CABLES1: variants seen among roughly 807,000 people sequenced by gnomAD.
CABLES1 encodes CDK5 and ABL1 enzyme substrate 1.
Under a neutral mutation model 57.8 loss-of-function variants are expected in CABLES1, and 36 were observed. That is an observed-to-expected ratio of 0.62 (90% confidence interval 0.48 to 0.82). The LOEUF (loss-of-function observed/expected upper bound fraction) is 0.82, where lower values mean the gene tolerates loss of function less well. Among genes scored for constraint, CABLES1 ranks in the 40% least tolerant of loss-of-function variants. CABLES1 has a pLI of 0.00. For missense variants in CABLES1, 767 were observed against 836.6 expected (o/e 0.92, Z 1.03); for synonymous variants, 374 against 363.0 (o/e 1.03, Z -0.35).
intron 4 of CABLES1, among the ~76,000 whole-genome samples, chr18:23,217,202 C>T (rs998838835): frequency 1.3e-5 from 2 of 152,140 alleles, no homozygotes; most frequent in African/African-American, 4.8e-5. Context: ...CTGCCTCAGT[C>T]TCCCAAGTAG....
intron 3 of CABLES1, among the ~76,000 whole-genome samples, chr18:23,204,905 CAT>C (rs2047351683): frequency 6.6e-6 from 1 of 152,324 alleles, no homozygotes; most frequent in Admixed American, 6.5e-5. Flanking sequence ...CCTCCCACAA[CAT>C]GTGGGAATTA....
chr18:23,158,121 A>T (rs78269699), intron 1 of CABLES1, among the ~76,000 whole-genome samples: 2 of 8,972 alleles, frequency 2.2e-4, no homozygotes, highest in East Asian at 5.6e-3. Flanking sequence ...ATCTCTATTA[A>T]AAAAAAAAAA....
intron 1 of CABLES1, among the ~76,000 whole-genome samples, chr18:23,174,055 A>C (rs558800954): frequency 2.6e-5 from 4 of 152,258 alleles, no homozygotes; most frequent in African/African-American, 9.6e-5. Context: ...ATTTTAGAAC[A>C]TTTTCCTCAC....
chr18:23,168,478 T>C (rs1265684232), intron 1 of CABLES1, among the ~76,000 whole-genome samples: 1 of 151,638 alleles, frequency 6.6e-6, no homozygotes, highest in Non-Finnish European at 1.5e-5. Flanking sequence ...AAATGGGGAG[T>C]ATTCTTCACT....
At chr18:23,217,072 GTTTTGTT>G (rs916398307) in intron 4 of CABLES1, among the ~76,000 whole-genome samples, 50 of 152,086 alleles carry the variant, frequency 3.3e-4, no homozygotes, top group African/African-American at 1.1e-3. Flanking sequence ...GGATTTTTTT[GTTTTGTT>G]TTTTGTTTTT....
intron 3 of CABLES1, among the ~76,000 whole-genome samples, chr18:23,203,469 AAAAG>A (rs554268632): frequency 2.4e-4 from 37 of 151,886 alleles, no homozygotes; most frequent in African/African-American, 6.3e-4. Flanking sequence ...AAAAAAAAAA[AAAAG>A]AAAGAAACAC....
At chr18:23,144,301 T>C (rs962194764) in intron 1 of CABLES1, among the ~76,000 whole-genome samples, 4 of 152,220 alleles carry the variant, frequency 2.6e-5, no homozygotes, top group African/African-American at 9.6e-5. Context: ...GGAACACAAA[T>C]GAAACTCCAA....
intron 1 of CABLES1, among the ~76,000 whole-genome samples, chr18:23,154,350 G>T (rs1433862202): frequency 2.6e-5 from 4 of 152,174 alleles, no homozygotes; most frequent in African/African-American, 9.7e-5. Flanking sequence ...CAGCAGTTAT[G>T]TCTTTCTCCC....
At chr18:23,203,043 G>A (rs1373363669) in intron 3 of CABLES1, among the ~76,000 whole-genome samples, 1 of 151,744 alleles carries the variant, frequency 6.6e-6, no homozygotes, top group African/African-American at 2.4e-5. Context: ...TATGTCTAGT[G>A]ACCCTCACGG....
chr18:23,237,217 A>G lies in CABLES1; in HGVS notation c.1418A>G (p.Lys473Arg). The stretch of plus-strand genomic sequence containing the variant: ...CCCCAGTGGCCTTGTGGCAAACACA[A>G]ACGCGTTCTGATCTTCCCTTCCTAC... ...DDPQWPCGKH[K>R]RVLIFPSYMT... Residue 473 changes from lysine (K) to arginine (R), a missense_variant, in exon 7 of 10, where the codon AAA becomes AGA. By Grantham distance (26) the Lys-to-Arg change is conservative (BLOSUM62 2). This residue lies in a region of CABLES1 where 529 missense variants were observed against 622.8 expected (regional missense o/e 0.85). Transcript: ENST00000256925. The G allele has an allele frequency of 1.2e-6, 2 of 1,613,228 alleles. No individual in the cohort carries two copies. Among genetic ancestry groups the G allele is most frequent in the Non-Finnish European group, 1.7e-6 (2 of 1,179,134 alleles).
chr18:23,191,904 C>T (rs1200212688), intron 2 of CABLES1, among the ~76,000 whole-genome samples: 1 of 73,250 alleles, frequency 1.4e-5, no homozygotes, highest in Non-Finnish European at 2.3e-5. Context: ...TGGTTGAATG[C>T]TTAAAAAAAA....
At chr18:23,191,660 G>A (rs1357609574) in intron 2 of CABLES1, among the ~76,000 whole-genome samples, 1 of 152,158 alleles carries the variant, frequency 6.6e-6, no homozygotes, top group Non-Finnish European at 1.5e-5. Flanking sequence ...GTGCTAACAA[G>A]AAAGAGCTAA....
chr18:23,160,486 G>A (rs1256376405), intron 1 of CABLES1, among the ~76,000 whole-genome samples: 1 of 152,168 alleles, frequency 6.6e-6, no homozygotes, highest in East Asian at 1.9e-4. Flanking sequence ...TGTGTGCAGC[G>A]CCTGCCTCAC....
chr18:23,154,902 T>TA (rs1472537673), intron 1 of CABLES1, among the ~76,000 whole-genome samples: 2 of 152,354 alleles, frequency 1.3e-5, no homozygotes, highest in East Asian at 1.9e-4. Context: ...TCTAAGAACA[T>TA]ACGCTGATAT....
chr18:23,165,801 C>T (rs1297313224), intron 1 of CABLES1, among the ~76,000 whole-genome samples: 1 of 152,174 alleles, frequency 6.6e-6, no homozygotes, highest in Non-Finnish European at 1.5e-5. Context: ...GTGAATGATG[C>T]CGCTATGAGC....
chr18:23,143,047 A>G (rs1166991129), intron 1 of CABLES1, among the ~76,000 whole-genome samples: 6 of 152,190 alleles, frequency 3.9e-5, no homozygotes, highest in Non-Finnish European at 5.9e-5. Flanking sequence ...CTGCTGTGCT[A>G]CAATTTACAG....
At chr18:23,256,199 G>T (rs2048160764) in intron 9 of CABLES1, among the ~76,000 whole-genome samples, 2 of 152,268 alleles carry the variant, frequency 1.3e-5, no homozygotes, top group African/African-American at 4.8e-5. Context: ...TTGACGCCAA[G>T]GCAGAATGTG....
rs149017692 is a variant in CABLES1 at position 23,179,033 on chromosome 18, C to T, written c.846-9805C>T. Reference sequence around the variant, plus strand: ...GGGCGTGGTGGCTCACACCAGTAATCCCAACACTTTGGGAGGCCGAGGCGG... The same window carrying T: ...GGGCGTGGTGGCTCACACCAGTAATTCCAACACTTTGGGAGGCCGAGGCGG... On this transcript the variant is annotated intron_variant, in intron 1 of 9. Coordinates refer to ENST00000256925, the MANE Select transcript of CABLES1 (RefSeq NM_001100619.3). Among the ~76,000 whole-genome samples, 224 of 152,324 alleles carry T rather than the reference C, an allele frequency of 1.5e-3. 2 individuals carry two copies. Among genetic ancestry groups the T allele is most frequent in the African/African-American group, 5.3e-3 (220 of 41,570 alleles).
intron 1 of CABLES1, among the ~76,000 whole-genome samples, chr18:23,137,346 A>G (rs1339163197): frequency 6.6e-6 from 1 of 152,160 alleles, no homozygotes; most frequent in East Asian, 1.9e-4. Flanking sequence ...ACGTTTGCTT[A>G]TTGTTCAGGA....
Sources: allele counts gnomAD v4.1 joint callset (sites outside exome capture counted in the v4.1 genomes callset), GRCh38; gene constraint gnomAD v4.1.1; regional missense constraint gnomAD v4.1.1; transcripts MANE v1.5; gene names NCBI Gene and HGNC (gene_info 2026-07-23, HGNC 2026-07-21).